BABAM2: variants seen among roughly 807,000 people sequenced by gnomAD.
BABAM2 encodes BRISC and BRCA1 A complex member 2, also known as BRISC and BRCA1-A complex member 2.
In BABAM2, 31 loss-of-function variants were observed where a neutral mutation model predicts 54.7. That is an observed-to-expected ratio of 0.57 (90% CI 0.43 to 0.77). BABAM2 has a LOEUF of 0.77. Ranked by LOEUF, BABAM2 falls within the 30% of genes least tolerant of loss-of-function variation. The pLI, the probability that BABAM2 is intolerant of heterozygous loss-of-function variation, is 0.00. For missense variants in BABAM2, 364 were observed against 455.8 expected, an observed-to-expected ratio of 0.80 and a Z score of 1.83; for synonymous variants, 167 against 162.9, an observed-to-expected ratio of 1.03 and a Z score of -0.19.
intron 3 of BABAM2, among the ~76,000 whole-genome samples, chr2:27,936,293 AAAC>A (rs1451445892): frequency 3.9e-5 from 6 of 152,166 alleles, no homozygotes; most frequent in African/African-American, 1.2e-4. Flanking sequence ...AAAAGTCAGG[AAAC>A]AACAGGTGCT....
At chr2:28,103,894 C>T (rs1331477078) in intron 6 of BABAM2, among the ~76,000 whole-genome samples, 1 of 152,220 alleles carries the variant, frequency 6.6e-6, no homozygotes, top group Admixed American at 6.5e-5. Flanking sequence ...AAATTATTCA[C>T]AGATCGTACT....
chr2:27,973,682 G>T (rs1671386948), intron 3 of BABAM2, among the ~76,000 whole-genome samples: 1 of 152,144 alleles, frequency 6.6e-6, no homozygotes, highest in South Asian at 2.1e-4. Context: ...TGGAGAAAAG[G>T]ATCCTTTAAT....
Position 28,267,384 on chromosome 2 carries a change from C to T in BABAM2, c.934+22522C>T, listed in dbSNP as rs150957824. ...CCCCCATAAATGCAGGAGGCAGAGCCCACCCCCAGGCCCAGCTGTTGCTTC... is the reference window on the plus strand; with the variant it reads ...CCCCCATAAATGCAGGAGGCAGAGCTCACCCCCAGGCCCAGCTGTTGCTTC... On this transcript the variant is annotated intron_variant, in intron 10 of 11. Coordinates refer to ENST00000379624, the MANE Select transcript of BABAM2 (RefSeq NM_199191.3). Among the ~76,000 whole-genome samples, 982 of 151,930 alleles carry T rather than the reference C, an allele frequency of 6.5e-3. 7 individuals are homozygous for T. Among genetic ancestry groups the T allele is most frequent in the Middle Eastern group, 0.031 (9 of 294 alleles).
chr2:28,263,882 A>T (rs1189183016), intron 10 of BABAM2, among the ~76,000 whole-genome samples: 1 of 152,198 alleles, frequency 6.6e-6, no homozygotes, highest in East Asian at 1.9e-4. Context: ...GAAAAGGTGG[A>T]TTAACAATTC....
At chr2:27,913,593 A>G (rs1368191247) in intron 2 of BABAM2, among the ~76,000 whole-genome samples, 1 of 152,168 alleles carries the variant, frequency 6.6e-6, no homozygotes, top group Non-Finnish European at 1.5e-5. Flanking sequence ...CATGCTTTAC[A>G]TATATATACA....
chr2:28,055,874 T>C (rs1276536423), intron 6 of BABAM2, among the ~76,000 whole-genome samples: 3 of 152,202 alleles, frequency 2.0e-5, no homozygotes, highest in East Asian at 1.9e-4. Flanking sequence ...ATAAGGAAAC[T>C]GTGGTACATA....
At chr2:28,102,817 T>C (rs1383591489) in intron 6 of BABAM2, among the ~76,000 whole-genome samples, 1 of 152,166 alleles carries the variant, frequency 6.6e-6, no homozygotes, top group Non-Finnish European at 1.5e-5. Context: ...AGAGAGACCA[T>C]TGGAGGTAAA....
intron 5 of BABAM2, among the ~76,000 whole-genome samples, chr2:28,028,174 A>G (rs1676013600): frequency 6.6e-6 from 1 of 152,128 alleles, no homozygotes; most frequent in Non-Finnish European, 1.5e-5. Flanking sequence ...GGAGGGCCTC[A>G]GTTCAGTGCT....
At chr2:28,247,975 A>G (rs961490908) in intron 10 of BABAM2, among the ~76,000 whole-genome samples, 1 of 152,174 alleles carries the variant, frequency 6.6e-6, no homozygotes, top group Non-Finnish European at 1.5e-5. Context: ...GAGCATTTCC[A>G]TCCACTTATT....
chr2:27,926,625 T>C (rs1415654377), intron 2 of BABAM2, among the ~76,000 whole-genome samples: 2 of 152,204 alleles, frequency 1.3e-5, no homozygotes, highest in East Asian at 3.8e-4. Context: ...GTTTGTCTCT[T>C]GTTTATCGTT....
chr2:27,963,730 A>C (rs1210232820), intron 3 of BABAM2, among the ~76,000 whole-genome samples: 1 of 152,160 alleles, frequency 6.6e-6, no homozygotes, highest in African/African-American at 2.4e-5. Context: ...TTATACCAAA[A>C]TATAGTTAAG....
chr2:28,285,453 T>G (rs1004156062), intron 10 of BABAM2, among the ~76,000 whole-genome samples: 1 of 152,200 alleles, frequency 6.6e-6, no homozygotes, highest in Non-Finnish European at 1.5e-5. Flanking sequence ...CTGCACGGTA[T>G]AAGTCCAGCA....
At chr2:27,994,057 C>T (rs548724368) in intron 4 of BABAM2, among the ~76,000 whole-genome samples, 3 of 152,180 alleles carry the variant, frequency 2.0e-5, no homozygotes, top group South Asian at 2.1e-4. Context: ...AGAATGTTCT[C>T]TCATTTTTCA....
intron 10 of BABAM2, among the ~76,000 whole-genome samples, chr2:28,294,471 C>T (rs958486763): frequency 6.6e-6 from 1 of 151,802 alleles, no homozygotes; most frequent in African/African-American, 2.4e-5. Context: ...GGAATCTGGG[C>T]GGTTCCTTCA....
At position 28,108,353 on chromosome 2, in the gene BABAM2, A is replaced by G. The variant is rs1378598332; in HGVS notation, c.571-20918A>G. Among the ~76,000 whole-genome samples, 53 of 152,180 alleles carry G rather than the reference A, an allele frequency of 3.5e-4. 1 individual carries two copies. Among genetic ancestry groups the G allele is most frequent in the Non-Finnish European group, 7.3e-5 (5 of 68,028 alleles). On this transcript the variant is annotated intron_variant, in intron 6 of 11. Transcript: ENST00000379624. ...TAAGCTGTTAATAGCTTCCCTGGAG[A>G]ATTGCAACTTGCTAGGATGCTTCAA... is the stretch of plus-strand genomic sequence containing the variant.
At chr2:27,979,075 T>C (rs1201686743) in intron 3 of BABAM2, among the ~76,000 whole-genome samples, 1 of 150,376 alleles carries the variant, frequency 6.6e-6, no homozygotes, top group African/African-American at 2.5e-5. Context: ...TTGCCCAGGC[T>C]GGAGTGCAGC....
At chr2:28,335,549 A>G (rs892278813) in intron 11 of BABAM2, among the ~76,000 whole-genome samples, 2 of 152,230 alleles carry the variant, frequency 1.3e-5, no homozygotes, top group Non-Finnish European at 2.9e-5. Context: ...TAGTTACATT[A>G]AAGCCACAGC....
chr2:27,905,823 T>C (rs1397999016), intron 2 of BABAM2, among the ~76,000 whole-genome samples: 1 of 152,228 alleles, frequency 6.6e-6, no homozygotes, highest in African/African-American at 2.4e-5. Context: ...CTTTCCTTGT[T>C]CATTGCTTTT....
chr2:27,890,602 A>T, upstream of BABAM2: 1 of 452,318 alleles, frequency 2.2e-6, no homozygotes, highest in Non-Finnish European at 4.0e-6. This position sits in a 1 kb window ranked among gnomAD's most constrained non-coding sequence, Gnocchi z 4.8. Context: ...CTCACGGGGC[A>T]GGCGCTGAGG....
Sources: allele counts gnomAD v4.1 joint callset (sites outside exome capture counted in the v4.1 genomes callset), GRCh38; gene constraint gnomAD v4.1.1; non-coding constraint Gnocchi (gnomAD v3.1); transcripts MANE v1.5; gene names NCBI Gene and HGNC (gene_info 2026-07-23, HGNC 2026-07-21).